TNFRSF10D: variants seen among roughly 807,000 people sequenced by gnomAD.
TNFRSF10D encodes the protein tumor necrosis factor receptor superfamily member 10D.
In TNFRSF10D, 28 loss-of-function variants were observed where a neutral mutation model predicts 42.1. The ratio of observed to expected loss-of-function variants is 0.66; its 90% confidence interval spans 0.49 to 0.91. The LOEUF (loss-of-function observed/expected upper bound fraction) is 0.91. Among genes scored for constraint, TNFRSF10D ranks in the 40% least tolerant of loss-of-function variants. TNFRSF10D has a pLI of 0.00. For missense variants in TNFRSF10D, 503 were observed against 486.1 expected, an observed-to-expected ratio of 1.03 and a Z score of -0.33; for synonymous variants, 186 against 189.4, an observed-to-expected ratio of 0.98 and a Z score of 0.15.
intron 1 of TNFRSF10D, among the ~76,000 whole-genome samples, chr8:23,159,922 C>A (rs936533065): frequency 1.3e-5 from 2 of 151,806 alleles, no homozygotes; most frequent in Admixed American, 6.5e-5. Flanking sequence ...CAATTTAATT[C>A]TCAGGTCCAG....
intron 7 of TNFRSF10D, among the ~76,000 whole-genome samples, chr8:23,141,092 C>T (rs1433363006): frequency 6.6e-6 from 1 of 152,154 alleles, no homozygotes; most frequent in African/African-American, 2.4e-5. Flanking sequence ...CTAGAAAACA[C>T]CCCTCTGGAC....
At chr8:23,158,044 C>T (rs148118311) in intron 1 of TNFRSF10D, among the ~76,000 whole-genome samples, 933 of 152,256 alleles carry the variant, frequency 6.1e-3, no homozygotes, top group African/African-American at 0.019. Context: ...GTAGGCCAAC[C>T]TATAAAACCC....
intron 7 of TNFRSF10D, among the ~76,000 whole-genome samples, chr8:23,144,237 C>T (rs1485816807): frequency 6.6e-6 from 1 of 152,218 alleles, no homozygotes; most frequent in Admixed American, 6.5e-5. Context: ...TCTGGGGACA[C>T]AGCAAGGACA....
chr8:23,163,512 G>T (rs1041194034), intron 1 of TNFRSF10D, among the ~76,000 whole-genome samples: 1 of 152,228 alleles, frequency 6.6e-6, no homozygotes, highest in African/African-American at 2.4e-5. Flanking sequence ...TCCCTCCGCT[G>T]ATTCTGGAAC....
Position 23,163,693 on chromosome 8 carries a change from G to A in TNFRSF10D, c.150+93C>T, listed in dbSNP as rs1254022612. The A allele has an allele frequency of 3.3e-6, 5 of 1,525,138 alleles. No homozygotes were observed. In the African/African-American group the frequency reaches 4.2e-5, roughly 13 times the overall value. 94.5% of individuals were successfully genotyped at this position (1,525,138 alleles called of 1,614,324 possible). A position where few individuals can be genotyped will look rare whatever the true frequency, so the allele number is the denominator to read the frequency against. Reference sequence around the variant, plus strand: ...GACATGCCCGGCCGCAGGCGACCCGGGCCAAGCATCCCCACCGTGTCCCCC... The same window carrying A: ...GACATGCCCGGCCGCAGGCGACCCGAGCCAAGCATCCCCACCGTGTCCCCC... On this transcript the variant is annotated intron_variant, in intron 1 of 8. Transcript: ENST00000312584.
rs772136554 is a variant in TNFRSF10D at position 23,154,892 on chromosome 8, CCTT to C, written c.235_237del (p.Lys79del). The C allele has an allele frequency of 3.7e-6, 6 of 1,613,824 alleles. No individual in the cohort carries two copies. The highest frequency in any genetic ancestry group is 1.6e-4 in the Middle Eastern group (1 of 6,062). The stretch of plus-strand genomic sequence containing the variant: ...AGTGCACCTGCTGGACACTCCTCCT[CCTT>C]GAGGCTGCGCCTCTGTTGCTGTGGG... On this transcript the variant is annotated inframe_deletion, in exon 2 of 9. Coordinates refer to ENST00000312584, the MANE Select transcript of TNFRSF10D (RefSeq NM_003840.5).
At chr8:23,161,393 A>C (rs72609905) in intron 1 of TNFRSF10D, among the ~76,000 whole-genome samples, 26,221 of 151,576 alleles carry the variant, frequency 0.17, 2,967 homozygotes, top group East Asian at 0.59. Flanking sequence ...ACAGATTGGA[A>C]CAGTCCAACG....
chr8:23,155,546 C>T (rs1049905181), intron 1 of TNFRSF10D, among the ~76,000 whole-genome samples: 2 of 151,894 alleles, frequency 1.3e-5, no homozygotes, highest in African/African-American at 4.8e-5. Flanking sequence ...AGTGAAACCC[C>T]GTCTCTACTA....
rs925835497 is a variant in TNFRSF10D, at chr8:23,135,984, G to A, written c.*1886C>T. ...CGCCAGATGGAAGTGGGAGAGGATG[G>A]AAGTGCGAAGACCGGAAAGGCCATC... On this transcript the variant is annotated 3_prime_UTR_variant, in exon 9 of 9. Coordinates refer to ENST00000312584, the MANE Select transcript of TNFRSF10D (RefSeq NM_003840.5). 37 of 443,676 alleles carry A rather than the reference G, an allele frequency of 8.3e-5. No homozygotes were observed. The highest frequency in any genetic ancestry group is 4.3e-4 in the Admixed American group (18 of 41,664). 27.5% of individuals were successfully genotyped at this position (443,676 alleles called of 1,614,324 possible).
chr8:23,163,747 T>A (rs1339439178), intron 1 of TNFRSF10D, 39 bp downstream of exon 1: 1 of 1,597,150 alleles, frequency 6.3e-7, no homozygotes, highest in Non-Finnish European at 8.5e-7. Flanking sequence ...CGGCGCCAGG[T>A]GCGCTCTTCC....
chr8:23,138,093 C>T, intron 8 of TNFRSF10D, 90 bp from the exon 9 acceptor site: 3 of 1,608,264 alleles, frequency 1.9e-6, no homozygotes, highest in East Asian at 2.2e-5. Flanking sequence ...AGCAGTGAAA[C>T]CTCCAGAAGA....
intron 1 of TNFRSF10D, among the ~76,000 whole-genome samples, chr8:23,157,749 T>A (rs1482989829): frequency 6.6e-6 from 1 of 152,172 alleles, no homozygotes; most frequent in Non-Finnish European, 1.5e-5. Flanking sequence ...TTAACCTTTT[T>A]AACTACAAGG....
chr8:23,145,672 G>C lies in TNFRSF10D; in HGVS notation c.732C>G (p.Cys244Trp), dbSNP rs1371277526. The C allele has an allele frequency of 6.2e-7, 1 of 1,614,024 alleles. No individual in the cohort carries two copies. Among genetic ancestry groups the C allele is most frequent in the Non-Finnish European group, 8.5e-7 (1 of 1,180,022 alleles). Residue 244 changes from cysteine to tryptophan, a missense_variant, in exon 5 of 9, where the codon TGC (cysteine) becomes TGG (tryptophan). Coordinates refer to ENST00000312584, the MANE Select transcript of TNFRSF10D (RefSeq NM_003840.5). ...CCACCCTCAGCCAGCACCTACCTGA[G>C]CAGATGCCTTTGAGGTAAGAAATGA... Reference protein sequence around the residue: ...KKFISYLKGICSGGGGGPERV... With the variant: ...KKFISYLKGIWSGGGGGPERV...
intron 2 of TNFRSF10D, among the ~76,000 whole-genome samples, chr8:23,151,945 T>C (rs1800217349): frequency 6.6e-6 from 1 of 152,220 alleles, no homozygotes; most frequent in South Asian, 2.1e-4. Flanking sequence ...GATTTCATCA[T>C]GGATGTTCAC....
intron 1 of TNFRSF10D, among the ~76,000 whole-genome samples, chr8:23,156,041 G>A (rs1184939120): frequency 6.6e-6 from 1 of 152,148 alleles, no homozygotes; most frequent in African/African-American, 2.4e-5. Context: ...TGATCTCTGT[G>A]TTATAAATGA....
intron 7 of TNFRSF10D, among the ~76,000 whole-genome samples, chr8:23,141,432 G>A (rs1222000898): frequency 6.6e-6 from 1 of 151,780 alleles, no homozygotes; most frequent in Non-Finnish European, 1.5e-5. Flanking sequence ...TTGAACCCGG[G>A]AGGCGGAGGT....
rs534134211 is a variant in TNFRSF10D, at chr8:23,159,409, G to A, written c.150+4377C>T. 2.6e-5 allele frequency among the ~76,000 whole-genome samples: 4 copies of A among 152,256 alleles called. No homozygotes were observed. The South Asian group carries it at 6.2e-4, about 24-fold the overall frequency. ...TCCTTATTTTTAAGGATGAGAAGTC[G>A]AGGCCAAGAGATTACTGTGCAGACC... is the stretch of plus-strand genomic sequence containing the variant. On this transcript the variant is annotated intron_variant, in intron 1 of 8. Transcript: ENST00000312584.
chr8:23,148,634 C>A, intron 2 of TNFRSF10D, 83 bp from the exon 3 acceptor site: 1 of 992,334 alleles, frequency 1.0e-6, no homozygotes, highest in Non-Finnish European at 1.6e-6. Flanking sequence ...TCTCTTTTGG[C>A]CCTCAGTGGA....
intron 1 of TNFRSF10D, among the ~76,000 whole-genome samples, chr8:23,159,665 C>T (rs1374199586): frequency 6.6e-6 from 1 of 152,094 alleles, no homozygotes; most frequent in African/African-American, 2.4e-5. Flanking sequence ...ACTTCGAGAC[C>T]AGCCTGGACA....
Sources: gnomAD v4.1 joint callset for allele counts (sites outside exome capture counted in the v4.1 genomes callset) on GRCh38, gnomAD v4.1.1 for gene constraint, MANE v1.5 for transcripts, NCBI Gene and HGNC (gene_info 2026-07-23, HGNC 2026-07-21) for gene names.